NPAS3: variants seen among roughly 807,000 people sequenced by gnomAD.
The protein encoded by NPAS3 is neuronal PAS domain protein 3, also known as neuronal PAS domain-containing protein 3.
Under a neutral mutation model 73.1 loss-of-function variants are expected in NPAS3, and 14 were observed. That is an observed-to-expected ratio of 0.19 (90% CI 0.13 to 0.30). The LOEUF is 0.30. NPAS3 is among the 10% of genes least tolerant of loss of function. The pLI is 1.00. For missense variants in NPAS3, 1,096 were observed against 1,250.0 expected (o/e 0.88, Z 1.86); for synonymous variants, 620 against 541.5 (o/e 1.14, Z -2.01).
At chr14:33,184,865 T>C (rs1182175126) in intron 2 of NPAS3, among the ~76,000 whole-genome samples, 1 of 152,164 alleles carries the variant, frequency 6.6e-6, no homozygotes, top group East Asian at 1.9e-4. Flanking sequence ...GTGCTTCACG[T>C]TCCTGTGTAA....
In NPAS3 at chr14:33,089,475, G is replaced by C. The variant is rs1000586291; in HGVS notation, c.140+33481G>C. On this transcript the variant is annotated intron_variant, in intron 2 of 11. Coordinates refer to ENST00000356141, the Ensembl canonical transcript of NPAS3. ...AAAAGAGTAAAAAGAAATGAACAAA[G>C]CCTCCAAGAAATATGGGACTATGTG... is the stretch of plus-strand genomic sequence containing the variant. 3.9e-5 allele frequency among the ~76,000 whole-genome samples: 6 copies of C among 152,146 alleles called. No individual in the cohort carries two copies. In the East Asian group the frequency reaches 5.8e-4, roughly 15 times the overall value.
At chr14:33,623,125 G>A (rs1490312005) in intron 5 of NPAS3, among the ~76,000 whole-genome samples, 4 of 152,162 alleles carry the variant, frequency 2.6e-5, no homozygotes, top group Non-Finnish European at 4.4e-5. Flanking sequence ...GAGGCTAGTA[G>A]AGTCAAGGAA....
intron 5 of NPAS3, among the ~76,000 whole-genome samples, chr14:33,631,630 T>A (rs2058379129): frequency 6.6e-6 from 1 of 152,206 alleles, no homozygotes; most frequent in Non-Finnish European, 1.5e-5. Context: ...GAAATGGAGA[T>A]TGATATAGAC....
At chr14:32,967,300 T>C (rs1330719946) in intron 1 of NPAS3, among the ~76,000 whole-genome samples, 1 of 152,252 alleles carries the variant, frequency 6.6e-6, no homozygotes, top group African/African-American at 2.4e-5. Context: ...GAATATATAA[T>C]GCAACATATA....
At chr14:33,099,361 A>G (rs112787122) in intron 2 of NPAS3, among the ~76,000 whole-genome samples, 4 of 152,242 alleles carry the variant, frequency 2.6e-5, no homozygotes, top group Non-Finnish European at 5.9e-5. Flanking sequence ...TCATACATAC[A>G]TACAAAATTC....
chr14:32,939,261 C>T, upstream of NPAS3: 1 of 690,386 alleles, frequency 1.4e-6, no homozygotes. Flanking sequence ...CCACGCCCCC[C>T]ACCCGGGAGG....
chr14:33,142,671 T>G (rs2044096661), intron 2 of NPAS3, among the ~76,000 whole-genome samples: 1 of 152,256 alleles, frequency 6.6e-6, no homozygotes, highest in Non-Finnish European at 1.5e-5. Flanking sequence ...GAATATCTAT[T>G]TGATCTTTTT....
intron 5 of NPAS3, among the ~76,000 whole-genome samples, chr14:33,592,746 T>A (rs1246915036): frequency 6.6e-6 from 1 of 152,200 alleles, no homozygotes; most frequent in Non-Finnish European, 1.5e-5. Context: ...TTGATGGAAA[T>A]GTAATAATCC....
chr14:33,171,075 C>A (rs75435778), intron 2 of NPAS3, among the ~76,000 whole-genome samples: 1 of 152,208 alleles, frequency 6.6e-6, no homozygotes, highest in Non-Finnish European at 1.5e-5. Flanking sequence ...GTCAAAATGA[C>A]TCCTTGACCT....
At chr14:33,587,032 G>A (rs867686726) in intron 5 of NPAS3, among the ~76,000 whole-genome samples, 15 of 152,108 alleles carry the variant, frequency 9.9e-5, no homozygotes, top group African/African-American at 3.6e-4. Flanking sequence ...TGAGTGCCTG[G>A]TCCTGTTCTC....
intron 5 of NPAS3, among the ~76,000 whole-genome samples, chr14:33,564,536 C>G (rs1170124210): frequency 6.6e-6 from 1 of 152,210 alleles, no homozygotes. Flanking sequence ...ATGTTCTGTT[C>G]CCGCATCCAG....
chr14:33,536,382 A>T (rs2054262167), intron 4 of NPAS3, among the ~76,000 whole-genome samples: 1 of 152,256 alleles, frequency 6.6e-6, no homozygotes, highest in Admixed American at 6.5e-5. Context: ...GGTAATAATC[A>T]TAAACAGTAG....
chr14:33,656,682 T>A (rs7157870), intron 5 of NPAS3, among the ~76,000 whole-genome samples: 82,079 of 151,738 alleles, frequency 0.54, 22,298 homozygotes, highest in African/African-American at 0.61. Flanking sequence ...AGCTAGAGTT[T>A]ACATCTCTTT....
chr14:33,053,376 T>C (rs1278079906), intron 1 of NPAS3, among the ~76,000 whole-genome samples: 1 of 152,206 alleles, frequency 6.6e-6, no homozygotes, highest in Non-Finnish European at 1.5e-5. Flanking sequence ...AGTCATAGCT[T>C]ACATGTTTCA....
intron 2 of NPAS3, among the ~76,000 whole-genome samples, chr14:33,196,345 T>G (rs1188960017): frequency 6.6e-6 from 1 of 152,208 alleles, no homozygotes; most frequent in Non-Finnish European, 1.5e-5. Flanking sequence ...ACGGCAAAGA[T>G]GGACCTGTCT....
rs1485209874 is a variant in NPAS3, at chr14:33,769,762, T to C, written c.853-4575T>C. ...AGACTTGGATTTTTTTTTTCTTTTTTTTTTTTTTTTTTTTTTTTTTGAGAC... is the reference window on the plus strand; with the variant it reads ...AGACTTGGATTTTTTTTTTCTTTTTCTTTTTTTTTTTTTTTTTTTTGAGAC... On this transcript the variant is annotated intron_variant, in intron 7 of 11. Coordinates refer to ENST00000356141, the Ensembl canonical transcript of NPAS3. Among the ~76,000 whole-genome samples, 48 of 127,782 alleles carry C rather than the reference T, an allele frequency of 3.8e-4. 2 individuals carry two copies. The highest frequency in any genetic ancestry group is 1.3e-3 in the African/African-American group (42 of 32,944). 83.8% of individuals were successfully genotyped at this position (127,782 alleles called of 152,430 possible).
intron 2 of NPAS3, among the ~76,000 whole-genome samples, chr14:33,087,821 T>C (rs1293884980): frequency 6.6e-6 from 1 of 152,236 alleles, no homozygotes; most frequent in Non-Finnish European, 1.5e-5. Flanking sequence ...TCAGTTTTCT[T>C]GGAGTAAGAG....
intron 5 of NPAS3, among the ~76,000 whole-genome samples, chr14:33,577,846 C>G (rs1675819065): frequency 6.6e-6 from 1 of 152,234 alleles, no homozygotes; most frequent in African/African-American, 2.4e-5. Flanking sequence ...AGCCATAGTC[C>G]TTACGACAGC....
intron 2 of NPAS3, among the ~76,000 whole-genome samples, chr14:33,172,231 C>T (rs527399758): frequency 2.0e-5 from 3 of 152,304 alleles, no homozygotes; most frequent in East Asian, 3.9e-4. Flanking sequence ...GACAGACTTA[C>T]TCGATGTAAG....
Sources: allele counts gnomAD v4.1 joint callset (sites outside exome capture counted in the v4.1 genomes callset), GRCh38; gene constraint gnomAD v4.1.1; transcripts MANE v1.5; gene names NCBI Gene and HGNC (gene_info 2026-07-23, HGNC 2026-07-21).